USP16: variants seen among roughly 807,000 people sequenced by gnomAD.
The protein encoded by USP16 is ubiquitin carboxyl-terminal hydrolase 16.
Under a neutral mutation model 95.9 loss-of-function variants are expected in USP16, and 77 were observed. The ratio of observed to expected loss-of-function variants is 0.80; its 90% confidence interval spans 0.67 to 0.97. The LOEUF is 0.97. Among genes scored for constraint, USP16 ranks in the 50% least tolerant of loss-of-function variants. The pLI is 0.00. For missense variants in USP16, 943 were observed against 959.9 expected, an observed-to-expected ratio of 0.98 and a Z score of 0.23; for synonymous variants, 303 against 318.2, an observed-to-expected ratio of 0.95 and a Z score of 0.51.
chr21:29,047,080 A>C lies in USP16; in HGVS notation c.1770A>C (p.Ile590=), dbSNP rs2085337169. ...ATGCTGCTCTTCATCCTGATGAAAT[A>C]AATATAGAGATTCTGAATGATAGTC... The part of the protein sequence containing the change: ...NLNAALHPDE[I]NIEILNDSHT... The change falls in exon 14 of 18, where the codon ATA becomes ATC. Residue 590 remains isoleucine, a synonymous_variant. Transcript: ENST00000399976. 6.2e-7 allele frequency: 1 copy of C among 1,614,094 alleles called. No homozygotes were observed. Among genetic ancestry groups the C allele is most frequent in the African/African-American group, 1.3e-5 (1 of 75,054 alleles).
intron 1 of USP16, 97 bp from the exon 2 acceptor site, chr21:29,027,776 A>AT: frequency 1.3e-6 from 1 of 777,850 alleles, no homozygotes; most frequent in Non-Finnish European, 2.2e-6. Flanking sequence ...TGTGATAGAC[A>AT]TGCATAATAT....
intron 13 of USP16, among the ~76,000 whole-genome samples, chr21:29,045,249 CA>C (rs1256482692): frequency 6.6e-6 from 1 of 152,186 alleles, no homozygotes; most frequent in East Asian, 1.9e-4. Context: ...TGCTGCCCTT[CA>C]TTCTTCTGGT....
rs2085457622 is a variant in USP16 at position 29,054,046 on chromosome 21, T to G, written c.2351-20T>G. ...TTGAATCTTTCCATTTATGTTTGATTTTTCATTTTCTCATGACAGATTTTG... is the reference window on the plus strand; with the variant it reads ...TTGAATCTTTCCATTTATGTTTGATGTTTCATTTTCTCATGACAGATTTTG... On this transcript the variant is annotated intron_variant, in intron 17 of 17. Transcript: ENST00000399976. 1.2e-6 allele frequency: 2 copies of G among 1,613,796 alleles called. No homozygotes were observed. The highest frequency in any genetic ancestry group is 1.7e-6 in the Non-Finnish European group (2 of 1,179,802).
Position 29,028,627 on chromosome 21 carries a change from G to A in USP16, c.61+653G>A, listed in dbSNP as rs112184186. On this transcript the variant is annotated intron_variant, in intron 2 of 17. Transcript: ENST00000399976. ...ATTTTTGTATTTTTAGTAGAGACAG[G>A]GTTTCACCATGTTGACCAGGCTGGT... Among the ~76,000 whole-genome samples the A allele has an allele frequency of 3.6e-3, 546 of 151,882 alleles. 2 individuals are homozygous for A. The highest frequency in any genetic ancestry group is 0.013 in the African/African-American group (519 of 41,404).
At chr21:29,041,889 A>C in intron 10 of USP16, 124 bp from the exon 11 acceptor site, 1 of 727,850 alleles carries the variant, frequency 1.4e-6, no homozygotes, top group Non-Finnish European at 2.3e-6. Context: ...TGGAGGAAGA[A>C]GTCTGTGGGA....
Position 29,042,491 on chromosome 21 carries a change from CT to C in USP16, c.1145del (p.Phe382SerfsTer9). 2 of 1,603,734 alleles carry C rather than the reference CT, an allele frequency of 1.2e-6. No homozygotes were observed. The highest frequency in any genetic ancestry group is 2.2e-5 in the East Asian group (1 of 44,528). On this transcript the variant is annotated frameshift_variant, in exon 12 of 18. Coordinates refer to ENST00000399976, the MANE Select transcript of USP16 (RefSeq NM_006447.3). LOFTEE classifies it high-confidence loss of function. ...GTTAAGGTCTCCTTGGTTCATGAAT[CT>C]TTCCTTGATTTGTCCCTCCCAGTTT... is the stretch of plus-strand genomic sequence containing the variant. ...QCRTVSLVHE[S>X]FLDLSLPVLD...
Position 29,043,496 on chromosome 21 carries a change from A to T in USP16, c.1253A>T (p.Glu418Val). Residue 418 changes from glutamate to valine, a missense_variant, in exon 13 of 18, where the codon GAA becomes GTA. Glu to Val is a moderately radical substitution (Grantham distance 121, BLOSUM62 -2). Coordinates refer to ENST00000399976, the MANE Select transcript of USP16 (RefSeq NM_006447.3). The stretch of plus-strand genomic sequence containing the variant: ...GATGAAGATCAAGATAGTGAGGAAG[A>T]AAAAGATAACGACAGTTACATAAAA... The part of the protein sequence containing the change: ...VEDEDQDSEE[E>V]KDNDSYIKER... 6.3e-7 allele frequency: 1 copy of T among 1,598,858 alleles called. No homozygotes were observed. The highest frequency in any genetic ancestry group is 1.7e-5 in the Admixed American group (1 of 57,196).
At chr21:29,040,731 T>G (rs2085231683) in intron 10 of USP16, 44 bp downstream of exon 10, 1 of 1,079,694 alleles carries the variant, frequency 9.3e-7, no homozygotes, top group Non-Finnish European at 1.3e-6. Flanking sequence ...GTTGAATTCC[T>G]CTGTACCTTA....
chr21:29,042,280 C>T (rs1299567317), intron 11 of USP16, among the ~76,000 whole-genome samples, 176 bp downstream of exon 11: 3 of 152,078 alleles, frequency 2.0e-5, no homozygotes, highest in South Asian at 4.1e-4. Context: ...ATCTTGAAGA[C>T]GTTAAACAGT....
At chr21:29,042,384 T>C (rs1222513954) in intron 11 of USP16, 88 bp from the exon 12 acceptor site, 3 of 1,299,950 alleles carry the variant, frequency 2.3e-6, no homozygotes, top group East Asian at 2.4e-5. Flanking sequence ...ACCCATCCCC[T>C]ACTCCCCATC....
rs755084466 is a variant in USP16 at position 29,048,746 on chromosome 21, T to C, written c.2012-15T>C. The C allele has an allele frequency of 1.6e-5, 26 of 1,603,798 alleles. No homozygotes were observed. Among genetic ancestry groups the C allele is most frequent in the Non-Finnish European group, 2.0e-5 (23 of 1,173,170 alleles). ...AATGATTTTCTCCCTGTTAAAAATT[T>C]CTTCTTTTCTTTAGGTGAAAGGAAG... On this transcript the variant is annotated splice_polypyrimidine_tract_variant and intron_variant, in intron 14 of 17. Coordinates refer to ENST00000399976, the MANE Select transcript of USP16 (RefSeq NM_006447.3).
rs1601072976 is a variant in USP16 at position 29,048,747 on chromosome 21, CTTCTTTTCTTT to C, written c.2012-13_2012-3del. On this transcript the variant is annotated splice_region_variant and splice_polypyrimidine_tract_variant and intron_variant, in intron 14 of 17. Transcript: ENST00000399976. ...ATGATTTTCTCCCTGTTAAAAATTT[CTTCTTTTCTTT>C]AGGTGAAAGGAAGCATGTTTACACC... 2 of 1,606,706 alleles carry C rather than the reference CTTCTTTTCTTT, an allele frequency of 1.2e-6. No individual in the cohort carries two copies. Among genetic ancestry groups the C allele is most frequent in the East Asian group, 4.5e-5 (2 of 44,780 alleles).
chr21:29,051,455 C>T (rs1160729396), intron 16 of USP16, among the ~76,000 whole-genome samples: 1 of 152,188 alleles, frequency 6.6e-6, no homozygotes, highest in African/African-American at 2.4e-5. Flanking sequence ...TGGCCAATGA[C>T]AGGACCCTCC....
At position 29,054,217 on chromosome 21, in the gene USP16, C is replaced by T; in HGVS notation, c.*30C>T. ...ATCAAAAGCACTTTTTCTGGAAACA[C>T]ATTTATGGCTTTTATAATGGCTGAA... On this transcript the variant is annotated 3_prime_UTR_variant, in exon 18 of 18. Coordinates refer to ENST00000399976, the MANE Select transcript of USP16 (RefSeq NM_006447.3). 6.3e-7 allele frequency: 1 copy of T among 1,593,856 alleles called. No homozygotes were observed. The highest frequency in any genetic ancestry group is 8.6e-7 in the Non-Finnish European group (1 of 1,166,050).
In USP16 at chr21:29,036,293, G is replaced by T; in HGVS notation, c.367G>T (p.Val123Phe). Residue 123 changes from valine to phenylalanine, a missense_variant, in exon 5 of 18, where the codon GTC becomes TTC. By Grantham distance (50) the Val-to-Phe change is conservative. Transcript: ENST00000399976. ...CAGGTGTTACGTATGTGATAATGAG[G>T]TCCAGTATTGTAGTTCAAACCAGTT... ...SVWCYVCDNE[V>F]QYCSSNQLGQ... The T allele has an allele frequency of 6.2e-7, 1 of 1,613,028 alleles. No individual in the cohort carries two copies. The highest frequency in any genetic ancestry group is 8.5e-7 in the Non-Finnish European group (1 of 1,179,394).
chr21:29,046,908 A>T lies in USP16; in HGVS notation c.1598A>T (p.Glu533Val), dbSNP rs2085333121. The T allele has an allele frequency of 6.2e-7, 1 of 1,614,070 alleles. No homozygotes were observed. The highest frequency in any genetic ancestry group is 8.5e-7 in the Non-Finnish European group (1 of 1,180,028). ...GTAACTGACAATCAAAAATCCACAG[A>T]GGAAGTAGATATGAAAAATATCAAC... is the stretch of plus-strand genomic sequence containing the variant. ...ESVTDNQKSTEEVDMKNINMD... is the reference protein window; with the variant it reads ...ESVTDNQKSTVEVDMKNINMD... Residue 533 changes from glutamate to valine, a missense_variant, in exon 14 of 18, where the codon GAG becomes GTG. Transcript: ENST00000399976.
At chr21:29,050,216 A>C (rs1170791842) in intron 16 of USP16, 38 bp downstream of exon 16, 1 of 1,593,348 alleles carries the variant, frequency 6.3e-7, no homozygotes, top group South Asian at 1.1e-5. Context: ...AGTCCTTTAA[A>C]GTCAAATTGT....
Position 29,054,373 on chromosome 21 carries a change from T to G in USP16, c.*186T>G. 1 of 773,818 alleles carries G rather than the reference T, an allele frequency of 1.3e-6. No individual in the cohort carries two copies. The highest frequency in any genetic ancestry group is 2.0e-6 in the Non-Finnish European group (1 of 512,324). The allele number at this position is 773,818 out of a possible 1,614,324, so 47.9% of individuals were successfully genotyped here. ...GTACAAAGGTTTTATATTGTCATAG[T>G]GGTTTTTATTCCTGCTTTGTTTCTG... On this transcript the variant is annotated 3_prime_UTR_variant, in exon 18 of 18. Transcript: ENST00000399976.
At chr21:29,033,679 A>C (rs2085109795) in intron 3 of USP16, among the ~76,000 whole-genome samples, 1 of 152,252 alleles carries the variant, frequency 6.6e-6, no homozygotes, top group Non-Finnish European at 1.5e-5. Context: ...GTAATAGATT[A>C]AGTCTACTGC....
Sources: allele counts gnomAD v4.1 joint callset (sites outside exome capture counted in the v4.1 genomes callset), GRCh38; gene constraint gnomAD v4.1.1; transcripts MANE v1.5; gene names NCBI Gene and HGNC (gene_info 2026-07-23, HGNC 2026-07-21).